PCNX2: variants seen among roughly 807,000 people sequenced by gnomAD.
The protein encoded by PCNX2 is pecanex 2.
Under a neutral mutation model 223.8 loss-of-function variants are expected in PCNX2, and 168 were observed. That is an observed-to-expected ratio of 0.75 (90% confidence interval 0.66 to 0.85). The LOEUF (loss-of-function observed/expected upper bound fraction) is 0.85. PCNX2 is among the 40% of genes least tolerant of loss of function. The pLI is 0.00. For missense variants in PCNX2, 2,507 were observed against 2,675.5 expected (o/e 0.94, Z 1.39); for synonymous variants, 1,006 against 1,052.6 (o/e 0.96, Z 0.86).
chr1:233,052,440 A>G (rs1160987425), intron 25 of PCNX2, among the ~76,000 whole-genome samples: 1 of 152,190 alleles, frequency 6.6e-6, no homozygotes, highest in African/African-American at 2.4e-5. Flanking sequence ...TGAGAACTAC[A>G]TCGGATGACT....
chr1:233,027,724 CCT>C (rs1445077673), intron 25 of PCNX2, among the ~76,000 whole-genome samples: 13 of 152,132 alleles, frequency 8.5e-5, no homozygotes, highest in African/African-American at 3.1e-4. Context: ...GTTGCAGCTG[CCT>C]CTCTTCCTCC....
chr1:233,101,850 C>CT (rs1674498230), intron 21 of PCNX2, among the ~76,000 whole-genome samples: 1 of 152,122 alleles, frequency 6.6e-6, no homozygotes, highest in East Asian at 1.9e-4. Flanking sequence ...TTATAAAAAA[C>CT]TTCATTTACC....
chr1:233,305,475 T>C, the PCNX2 span, among the ~76,000 whole-genome samples: 1 of 152,202 alleles, frequency 6.6e-6, no homozygotes, highest in African/African-American at 2.4e-5. Flanking sequence ...TGACAGGGTC[T>C]CACTCCATCA....
intron 13 of PCNX2, among the ~76,000 whole-genome samples, chr1:233,208,298 C>A (rs1681603909): frequency 6.6e-6 from 1 of 152,208 alleles, no homozygotes; most frequent in Non-Finnish European, 1.5e-5. Flanking sequence ...AGTGCTGCAA[C>A]TTCTTGGTCA....
intron 15 of PCNX2, among the ~76,000 whole-genome samples, chr1:233,184,880 C>T (rs1274233927): frequency 1.3e-5 from 2 of 151,860 alleles, no homozygotes; most frequent in Non-Finnish European, 2.9e-5. Flanking sequence ...GTCCATATTC[C>T]AGGTGCTAAT....
At chr1:233,015,170 T>A (rs1300518751) in intron 27 of PCNX2, among the ~76,000 whole-genome samples, 1 of 152,038 alleles carries the variant, frequency 6.6e-6, no homozygotes. Context: ...TTGGATCCAA[T>A]GTGAAGGAGA....
At position 233,025,314 on chromosome 1, in the gene PCNX2, G is replaced by A. The variant is rs1671045147; in HGVS notation, c.4437C>T (p.His1479=). ...CGTTGCAGGACAGCAGGTGAGGCAA[G>A]TGGCCTGGTTTGCAGCAGCAGCAGC... ...DRGCCCCKPG[H]LPHLLSCNAA... is the part of the protein sequence containing the mutation. The change falls in exon 26 of 34, where the codon CAC becomes CAT. Residue 1479 remains histidine (H), a synonymous_variant. Transcript: ENST00000258229. 3 of 1,613,938 alleles carry A rather than the reference G, an allele frequency of 1.9e-6. No individual in the cohort carries two copies. The highest frequency in any genetic ancestry group is 1.7e-5 in the Admixed American group (1 of 60,010).
chr1:233,034,256 T>C (rs554021198), intron 25 of PCNX2, among the ~76,000 whole-genome samples: 24 of 150,614 alleles, frequency 1.6e-4, no homozygotes, highest in Non-Finnish European at 3.3e-4. Flanking sequence ...CTTTGGGAGG[T>C]GATTGGGTTA....
chr1:233,266,814 T>C (rs1254959113), intron 1 of PCNX2, among the ~76,000 whole-genome samples: 1 of 152,230 alleles, frequency 6.6e-6, no homozygotes, highest in Non-Finnish European at 1.5e-5. Flanking sequence ...AGAAAAGTTT[T>C]ATGTTGTTTT....
intron 17 of PCNX2, among the ~76,000 whole-genome samples, chr1:233,175,109 C>T (rs529311638): frequency 6.6e-6 from 1 of 151,944 alleles, no homozygotes; most frequent in South Asian, 2.1e-4. Flanking sequence ...GAGAGACAGA[C>T]AGACAGAGAA....
chr1:233,010,853 T>C (rs1208457520), intron 28 of PCNX2, among the ~76,000 whole-genome samples: 2 of 152,242 alleles, frequency 1.3e-5, no homozygotes, highest in Non-Finnish European at 2.9e-5. Context: ...CTCCCTAATT[T>C]TGCATGCATA....
intron 26 of PCNX2, among the ~76,000 whole-genome samples, chr1:233,020,779 C>T (rs932113251): frequency 2.4e-4 from 37 of 152,030 alleles, no homozygotes; most frequent in African/African-American, 7.0e-4. Context: ...GGAGGAGACA[C>T]GAGGGAAAAC....
intron 19 of PCNX2, among the ~76,000 whole-genome samples, chr1:233,150,151 C>T (rs6685114): frequency 0.66 from 100,191 of 151,924 alleles, 33,553 homozygotes; most frequent in African/African-American, 0.78. Flanking sequence ...TCCATAGTGG[C>T]CACTCAGGAA....
rs189900000 is a variant in PCNX2, at chr1:233,170,830, C to A, written c.3273+6972G>T. 2.3e-3 allele frequency among the ~76,000 whole-genome samples: 345 copies of A among 152,256 alleles called. 2 individuals are homozygous for A. The highest frequency in any genetic ancestry group is 7.0e-3 in the African/African-American group (292 of 41,556). On this transcript the variant is annotated intron_variant, in intron 17 of 33. Transcript: ENST00000258229. ...TTTTCCCTCTGTTTGGATTTGGAAG[C>A]TACATGCTTTGTTTCTATTCCTTTA...
At chr1:233,245,786 C>T (rs780453502) in intron 8 of PCNX2, among the ~76,000 whole-genome samples, 13 of 151,970 alleles carry the variant, frequency 8.6e-5, no homozygotes, top group South Asian at 2.1e-4. Flanking sequence ...TGTGGTGGCG[C>T]GCGCCTGTAA....
At chr1:233,033,338 A>C (rs564551926) in intron 25 of PCNX2, 77 of 321,156 alleles carry the variant, frequency 2.4e-4, no homozygotes, top group Middle Eastern at 1.6e-3. Flanking sequence ...GGTAAGAAAA[A>C]TACGAACACA....
Position 233,257,139 on chromosome 1 carries a change from T to C in PCNX2, c.1834+889A>G, listed in dbSNP as rs144627003. On this transcript the variant is annotated intron_variant, in intron 5 of 33. Coordinates refer to ENST00000258229, the MANE Select transcript of PCNX2 (RefSeq NM_014801.4). ...GAAACTGAGGCCCAGAGACATTAAG[T>C]AACCTGAAAATAAATGTACCTTATC... Among the ~76,000 whole-genome samples the C allele has an allele frequency of 3.3e-4, 51 of 152,266 alleles. 1 individual carries two copies. In the East Asian group the frequency reaches 5.0e-3, roughly 15 times the overall value.
the PCNX2 span, among the ~76,000 whole-genome samples, chr1:233,317,612 A>G: frequency 5.6e-4 from 84 of 151,132 alleles, no homozygotes; most frequent in East Asian, 0.016. Flanking sequence ...AAATGTTTAA[A>G]TTTTTTTGGC....
upstream of PCNX2, among the ~76,000 whole-genome samples, chr1:233,295,998 C>CT (rs201102619): frequency 0.081 from 7,800 of 96,706 alleles, 473 homozygotes; most frequent in African/African-American, 0.1. The surrounding 1 kb of genome is among the most constrained non-coding windows in gnomAD (Gnocchi z 4.1). Context: ...TTCTTTCTTT[C>CT]TTTCTTTTTT....
Sources: allele counts gnomAD v4.1 joint callset (sites outside exome capture counted in the v4.1 genomes callset), GRCh38; gene constraint gnomAD v4.1.1; non-coding constraint Gnocchi (gnomAD v3.1); transcripts MANE v1.5; gene names NCBI Gene and HGNC (gene_info 2026-07-23, HGNC 2026-07-21).